Variants in SCAF1 observed in about 807,000 individuals in gnomAD.
SCAF1 encodes splicing factor, arginine/serine-rich 19.
In SCAF1, 28 loss-of-function variants were observed where a neutral mutation model predicts 91.2. The observed-to-expected ratio is 0.31, with a 90% CI of 0.23 to 0.42. The LOEUF is 0.42. Among genes scored for constraint, SCAF1 ranks in the 10% least tolerant of loss-of-function variants. The pLI is 1.00. For synonymous variants in SCAF1, 1,036 were observed against 833.7 expected (o/e 1.24, Z -4.18); for missense variants, 1,893 against 1,872.1 (o/e 1.01, Z -0.21).
At position 49,645,530 on chromosome 19, in the gene SCAF1, G is replaced by A. The variant is rs1018380586; in HGVS notation, c.166+119G>A. The A allele has an allele frequency of 9.6e-7, 1 of 1,039,362 alleles. No individual in the cohort carries two copies. The allele number at this position is 1,039,362 out of a possible 1,614,324, so 64.4% of individuals were successfully genotyped here. On this transcript the variant is annotated intron_variant, in intron 3 of 10. Transcript: ENST00000360565. This position sits in a 1 kb window ranked among gnomAD's most constrained non-coding sequence, Gnocchi z 4.6. ...TGCCACCCTTGTGCTGGCATGGGGAGCCAAAAATGGGCAGACACCCTGTAG... is the reference window on the plus strand; with the variant it reads ...TGCCACCCTTGTGCTGGCATGGGGAACCAAAAATGGGCAGACACCCTGTAG...
Position 49,651,995 on chromosome 19 carries a change from T to TCGTCGGGCACCCAGCCAG in SCAF1, c.1609_1626dup (p.Ser537_Ala542dup). The TCGTCGGGCACCCAGCCAG allele has an allele frequency of 8.4e-7, 1 of 1,195,248 alleles. No individual in the cohort carries two copies. Among genetic ancestry groups the TCGTCGGGCACCCAGCCAG allele is most frequent in the African/African-American group, 1.7e-5 (1 of 58,280 alleles). The allele number at this position is 1,195,248 out of a possible 1,614,324, so 74.0% of individuals were successfully genotyped here. On this transcript the variant is annotated inframe_insertion, in exon 7 of 11. Transcript: ENST00000360565. Reference sequence around the variant, plus strand: ...CGAGGCCAAGGAGGCCGCCTCGTCCTCGTCGGGCACCCAGCCAGCGCCGCC... The same window carrying TCGTCGGGCACCCAGCCAG: ...CGAGGCCAAGGAGGCCGCCTCGTCCTCGTCGGGCACCCAGCCAGCGTCGGGCACCCAGCCAGCGCCGCC...
In SCAF1 at chr19:49,642,423, AG is replaced by A. The variant is rs1259064865; in HGVS notation, c.-7+184del. ...CTGGCGCCGAGAGGGGGGCCTTCTC[AG>A]GGCCCCGGGACGCATCCGTGGGTTC... is the stretch of plus-strand genomic sequence containing the variant. On this transcript the variant is annotated intron_variant, in intron 1 of 10. Coordinates refer to ENST00000360565, the MANE Select transcript of SCAF1 (RefSeq NM_021228.3). This position sits in a 1 kb window ranked among gnomAD's most constrained non-coding sequence, Gnocchi z 4.0. Among the ~76,000 whole-genome samples, 1 of 151,770 alleles carries A rather than the reference AG, an allele frequency of 6.6e-6. No homozygotes were observed. Among genetic ancestry groups the A allele is most frequent in the Admixed American group, 6.6e-5 (1 of 15,266 alleles).
intron 7 of SCAF1, 76 bp downstream of exon 7, chr19:49,653,781 C>T (rs548390106): frequency 5.1e-4 from 682 of 1,341,918 alleles, no homozygotes; most frequent in Admixed American, 1.2e-3. Flanking sequence ...GACTTAGAGG[C>T]AGTGGGGTGC....
chr19:49,655,502 G>A (rs2081133483), intron 9 of SCAF1, among the ~76,000 whole-genome samples: 1 of 152,172 alleles, frequency 6.6e-6, no homozygotes, highest in East Asian at 1.9e-4. Flanking sequence ...GAGTAGCTGG[G>A]ATGACAGGCA....
At chr19:49,648,371 C>G (rs1367932934) in intron 6 of SCAF1, among the ~76,000 whole-genome samples, 1 of 152,150 alleles carries the variant, frequency 6.6e-6, no homozygotes, top group Admixed American at 6.5e-5. Context: ...CTCAACCTCC[C>G]AAACTGCTGG....
rs1219026133 is a variant in SCAF1 at position 49,652,991 on chromosome 19, C to G, written c.2602C>G (p.Arg868Gly). The G allele has an allele frequency of 1.2e-6, 2 of 1,613,966 alleles. No individual in the cohort carries two copies. Among genetic ancestry groups the G allele is most frequent in the East Asian group, 4.5e-5 (2 of 44,886 alleles). ...GGGCTCCATTGGCGTCAAATTCAGC[C>G]GTGACCGCGAGAGTCGCTCCCCCTT... The part of the protein sequence containing the change: ...GLGSIGVKFS[R>G]DRESRSPFLK... The change falls in exon 7 of 11, where the codon CGT becomes GGT. Residue 868 changes from arginine to glycine, a missense_variant. By Grantham distance (125) the Arg-to-Gly change is moderately radical. Around this residue, in one of 5 missense-constraint regions of SCAF1, gnomAD observed 1,436 missense variants for 1,306.8 expected, o/e 1.10. Transcript: ENST00000360565.
Position 49,652,012 on chromosome 19 carries a change from A to G in SCAF1, c.1623A>G (p.Pro541=). 1 of 1,198,184 alleles carries G rather than the reference A, an allele frequency of 8.3e-7. No individual in the cohort carries two copies. The highest frequency in any genetic ancestry group is 1.0e-6 in the Non-Finnish European group (1 of 958,258). The allele number at this position is 1,198,184 out of a possible 1,614,324, so 74.2% of individuals were successfully genotyped here. A position where few individuals can be genotyped will look rare whatever the true frequency, so the allele number is the denominator to read the frequency against. Reference sequence around the variant, plus strand: ...CCTCGTCCTCGTCGGGCACCCAGCCAGCGCCGCCCGCCCCGGCCTCGCCCT... The same window carrying G: ...CCTCGTCCTCGTCGGGCACCCAGCCGGCGCCGCCCGCCCCGGCCTCGCCCT... ...EAASSSSGTQ[P]APPAPASPWD... Residue 541 remains proline, a synonymous_variant, in exon 7 of 11, where the codon CCA becomes CCG. Coordinates refer to ENST00000360565, the MANE Select transcript of SCAF1 (RefSeq NM_021228.3).
Position 49,653,262 on chromosome 19 carries a change from G to A in SCAF1, c.2873G>A (p.Gly958Glu), listed in dbSNP as rs969923547. 1.7e-5 allele frequency: 25 copies of A among 1,482,324 alleles called. No individual in the cohort carries two copies. The highest frequency in any genetic ancestry group is 2.2e-5 in the Non-Finnish European group (24 of 1,114,684). 91.8% of individuals were successfully genotyped at this position (1,482,324 alleles called of 1,614,324 possible). The stretch of plus-strand genomic sequence containing the variant: ...TGCAGCCAGGCGGCAGGCACCAAGG[G>A]GGCGGAGGAGACTTCCTGGTCCGGG... ...DSCSQAAGTK[G>E]AEETSWSGEE... Residue 958 changes from glycine (G) to glutamate (E), a missense_variant, in exon 7 of 11, where the codon GGG (glycine) becomes GAG (glutamate). Around this residue, in one of 5 missense-constraint regions of SCAF1, gnomAD observed 1,436 missense variants for 1,306.8 expected, o/e 1.10. Coordinates refer to ENST00000360565, the MANE Select transcript of SCAF1 (RefSeq NM_021228.3).
At chr19:49,643,236 A>G (rs764362871) in intron 1 of SCAF1, among the ~76,000 whole-genome samples, 3 of 152,146 alleles carry the variant, frequency 2.0e-5, no homozygotes, top group Non-Finnish European at 2.9e-5. Flanking sequence ...TAGACCCACT[A>G]TTACAGTGCT....
In SCAF1 at chr19:49,651,119, C is replaced by G; in HGVS notation, c.730C>G (p.Pro244Ala). ...TDEAYSPPPA[P>A]EQKYDPFEPT... ...CGAGGCCTACTCTCCACCGCCTGCT[C>G]CGGAGCAAAAGTACGACCCTTTTGA... Residue 244 changes from proline to alanine, a missense_variant, in exon 7 of 11, where the codon CCG (proline) becomes GCG (alanine). Pro to Ala is a conservative substitution (Grantham distance 27). Transcript: ENST00000360565. 1 of 1,611,696 alleles carries G rather than the reference C, an allele frequency of 6.2e-7. No homozygotes were observed. Among genetic ancestry groups the G allele is most frequent in the South Asian group, 1.1e-5 (1 of 90,866 alleles).
chr19:49,652,874 C>A lies in SCAF1; in HGVS notation c.2485C>A (p.Arg829=), dbSNP rs774808843. The change falls in exon 7 of 11, where the codon CGG becomes AGG. Residue 829 remains arginine (R), a synonymous_variant. Coordinates refer to ENST00000360565, the MANE Select transcript of SCAF1 (RefSeq NM_021228.3). ...SSSSSSSCSS[R]KVKLQSKVAV... is the part of the protein sequence containing the mutation. The stretch of plus-strand genomic sequence containing the variant: ...ATCCTCGTCGTCCTCCTGTTCTTCC[C>A]GGAAGGTGAAGCTGCAGTCCAAGGT... 6.2e-7 allele frequency: 1 copy of A among 1,613,992 alleles called. No homozygotes were observed. Among genetic ancestry groups the A allele is most frequent in the Admixed American group, 1.7e-5 (1 of 60,020 alleles).
At position 49,652,607 on chromosome 19, in the gene SCAF1, G is replaced by A. The variant is rs1459585262; in HGVS notation, c.2218G>A (p.Glu740Lys). Reference protein sequence around the residue: ...VLYDSEGLSGEERGGKSSQKD... With the variant: ...VLYDSEGLSGKERGGKSSQKD... ...GTACGACTCCGAGGGACTGAGCGGC[G>A]AGGAGCGGGGCGGCAAGAGCAGCCA... Residue 740 changes from glutamate (E) to lysine (K), a missense_variant, in exon 7 of 11, where the codon GAG becomes AAG. Glu to Lys is a moderately conservative substitution (Grantham distance 56). Around this residue, in one of 5 missense-constraint regions of SCAF1, gnomAD observed 1,436 missense variants for 1,306.8 expected, o/e 1.10. Coordinates refer to ENST00000360565, the MANE Select transcript of SCAF1 (RefSeq NM_021228.3). 2 of 1,563,678 alleles carry A rather than the reference G, an allele frequency of 1.3e-6. No homozygotes were observed. The highest frequency in any genetic ancestry group is 1.4e-5 in the African/African-American group (1 of 73,570).
intron 9 of SCAF1, 116 bp from the exon 10 acceptor site, chr19:49,657,643 TGA>T: frequency 7.8e-7 from 1 of 1,288,356 alleles, no homozygotes; most frequent in Non-Finnish European, 1.1e-6. Flanking sequence ...ACTTCCAGCC[TGA>T]GAGCAGCTGG....
At position 49,658,586 on chromosome 19, in the gene SCAF1, C is replaced by T. The variant is rs749714075; in HGVS notation, c.*187C>T. 5 of 606,850 alleles carry T rather than the reference C, an allele frequency of 8.2e-6. No individual in the cohort carries two copies. In the East Asian group the frequency reaches 1.1e-4, roughly 14 times the overall value. The allele number at this position is 606,850 out of a possible 1,614,324, so 37.6% of individuals were successfully genotyped here. ...TGCCCCCAAGCCTGTCCCCAGTGCCCCTCCCTTCTGTTTGTGCCCCTCTCC... is the reference window on the plus strand; with the variant it reads ...TGCCCCCAAGCCTGTCCCCAGTGCCTCTCCCTTCTGTTTGTGCCCCTCTCC... On this transcript the variant is annotated 3_prime_UTR_variant, in exon 11 of 11. Coordinates refer to ENST00000360565, the MANE Select transcript of SCAF1 (RefSeq NM_021228.3).
rs1167768144 is a variant in SCAF1, at chr19:49,652,125, G to C, written c.1736G>C (p.Arg579Pro). Residue 579 changes from arginine (R) to proline (P), a missense_variant, in exon 7 of 11, where the codon CGC (arginine) becomes CCC (proline). By Grantham distance (103) the Arg-to-Pro change is moderately radical. This residue lies in a region of SCAF1 where 1,436 missense variants were observed against 1,306.8 expected (regional missense o/e 1.10). Coordinates refer to ENST00000360565, the MANE Select transcript of SCAF1 (RefSeq NM_021228.3). ...SARRRSRSRS[R>P]SRSTRRRSRS... is the part of the protein sequence containing the mutation. ...CGCCGCCGCTCCCGCTCCCGCTCCC[G>C]CTCCCGCTCCACCCGCCGCCGCTCG... The C allele has an allele frequency of 2.1e-5, 23 of 1,117,768 alleles. No individual in the cohort carries two copies. The highest frequency in any genetic ancestry group is 4.3e-4 in the Middle Eastern group (1 of 2,348). 69.2% of individuals were successfully genotyped at this position (1,117,768 alleles called of 1,614,324 possible).
chr19:49,658,033 C>G (rs888486723), intron 10 of SCAF1, 144 bp downstream of exon 10: 1 of 1,289,940 alleles, frequency 7.8e-7, no homozygotes, highest in African/African-American at 1.5e-5. Flanking sequence ...TTTCTCAAGG[C>G]CACCTGGGCC....
chr19:49,650,597 T>C (rs2081079431), intron 6 of SCAF1, among the ~76,000 whole-genome samples: 1 of 152,166 alleles, frequency 6.6e-6, no homozygotes, highest in Non-Finnish European at 1.5e-5. Flanking sequence ...GGGGCCGCAC[T>C]GACTGAGTTT....
chr19:49,646,910 G>A lies in SCAF1; in HGVS notation c.478+80G>A, dbSNP rs554719499. 13 of 1,033,266 alleles carry A rather than the reference G, an allele frequency of 1.3e-5. No homozygotes were observed. The highest frequency in any genetic ancestry group is 5.2e-5 in the East Asian group (2 of 38,706). The allele number at this position is 1,033,266 out of a possible 1,614,324, so 64.0% of individuals were successfully genotyped here. ...GGCTGTTTTTGGTAGTGATGGTAGC[G>A]GTGATCATGTTATTTAGACAAAACC... On this transcript the variant is annotated intron_variant, in intron 6 of 10. Coordinates refer to ENST00000360565, the MANE Select transcript of SCAF1 (RefSeq NM_021228.3). The surrounding 1 kb of genome is among the most constrained non-coding windows in gnomAD (Gnocchi z 5.6).
intron 9 of SCAF1, among the ~76,000 whole-genome samples, chr19:49,656,467 G>C (rs904843338): frequency 4.6e-5 from 7 of 152,184 alleles, no homozygotes; most frequent in Non-Finnish European, 8.8e-5. Flanking sequence ...ATAGTCACCT[G>C]GCTTGGGAGG....
Sources: gnomAD v4.1 joint callset for allele counts (sites outside exome capture counted in the v4.1 genomes callset) on GRCh38, gnomAD v4.1.1 for gene constraint, gnomAD v4.1.1 regional missense constraint, Gnocchi (gnomAD v3.1) non-coding constraint, MANE v1.5 for transcripts, NCBI Gene and HGNC (gene_info 2026-07-23, HGNC 2026-07-21) for gene names.